The following GRHL1 variants were observed in gnomAD, a reference collection of about 807,000 sequenced individuals.
GRHL1 encodes grainyhead-like protein 1 homolog.
GRHL1 carries 38 observed loss-of-function variants against 75.7 expected under a neutral mutation model. The observed-to-expected ratio is 0.50, with a 90% CI of 0.39 to 0.66. GRHL1 has a LOEUF of 0.66. GRHL1 is among the 30% of genes least tolerant of loss of function. The pLI is 0.00. For synonymous variants in GRHL1, 266 were observed against 279.4 expected (o/e 0.95, Z 0.48); for missense variants, 589 against 767.5 (o/e 0.77, Z 2.75).
In GRHL1 at chr2:9,987,817, C is replaced by T. The variant is rs998780925; in HGVS notation, c.1269+1535C>T. Among the ~76,000 whole-genome samples the T allele has an allele frequency of 6.6e-6, 1 of 152,148 alleles. No individual in the cohort carries two copies. The highest frequency in any genetic ancestry group is 2.4e-5 in the African/African-American group (1 of 41,422). On this transcript the variant is annotated intron_variant, in intron 9 of 15. Coordinates refer to ENST00000324907, the MANE Select transcript of GRHL1 (RefSeq NM_198182.3). The surrounding 1 kb of genome is among the most constrained non-coding windows in gnomAD (Gnocchi z 4.2). The stretch of plus-strand genomic sequence containing the variant: ...AGCAACCGTGGATGAGTGGACATTC[C>T]ATTGAACTAAGACAGCAAGATCTTG...
intron 8 of GRHL1, among the ~76,000 whole-genome samples, chr2:9,970,440 T>C (rs1044222530): frequency 1.3e-5 from 2 of 151,360 alleles, no homozygotes; most frequent in African/African-American, 4.9e-5. Context: ...AAGAACTGTT[T>C]TTGGAACTTG....
chr2:9,992,070 C>G lies in GRHL1; in HGVS notation c.1385C>G (p.Pro462Arg). The G allele has an allele frequency of 6.2e-7, 1 of 1,613,420 alleles. No individual in the cohort carries two copies. Among genetic ancestry groups the G allele is most frequent in the East Asian group, 2.2e-5 (1 of 44,874 alleles). Reference protein sequence around the residue: ...HKRMDITVFKPFIDLDTQPVL... With the variant: ...HKRMDITVFKRFIDLDTQPVL... ...CGAATGGATATCACAGTTTTCAAAC[C>G]CTTCATTGATCTCGATACTCAGCCT... The change falls in exon 11 of 16, where the codon CCC becomes CGC. Residue 462 changes from proline (P) to arginine (R), a missense_variant. By Grantham distance (103) the Pro-to-Arg change is moderately radical. Coordinates refer to ENST00000324907, the MANE Select transcript of GRHL1 (RefSeq NM_198182.3). This position sits in a 1 kb window ranked among gnomAD's most constrained non-coding sequence, Gnocchi z 4.6.
At chr2:9,995,507 G>A (rs1031412760) in intron 12 of GRHL1, 3 of 165,358 alleles carry the variant, frequency 1.8e-5, no homozygotes, top group South Asian at 2.0e-4. Flanking sequence ...GGGCCTGGGC[G>A]GTTGAGGCTG....
rs1174275925 is a variant in GRHL1, at chr2:9,986,247, C to T, written c.1234C>T (p.Arg412Trp). The change falls in exon 9 of 16, where the codon CGG becomes TGG. Residue 412 changes from arginine to tryptophan, a missense_variant. By Grantham distance (101) the Arg-to-Trp change is moderately radical (BLOSUM62 -3). Around this residue, in one of 5 missense-constraint regions of GRHL1, gnomAD observed 30 missense variants for 40.3 expected, o/e 0.74. Transcript: ENST00000324907. ...CAACCGCAGCAACAAGCCTGTGCAC[C>T]GGGCCTACTGCCAGATCAAGGTCTT... ...YNNRSNKPVH[R>W]AYCQIKVFCD... 6.2e-6 allele frequency: 10 copies of T among 1,613,396 alleles called. No individual in the cohort carries two copies. The highest frequency in any genetic ancestry group is 1.3e-5 in the African/African-American group (1 of 74,824).
chr2:9,986,083 T>G (rs1170873246), intron 8 of GRHL1, 41 bp from the exon 9 acceptor site: 1 of 1,521,944 alleles, frequency 6.6e-7, no homozygotes, highest in Non-Finnish European at 8.9e-7. Flanking sequence ...TAGGTTTGAC[T>G]TGGTGCCTGT....
At chr2:9,970,464 GTCTT>G (rs150953621) in intron 8 of GRHL1, among the ~76,000 whole-genome samples, 31,540 of 152,166 alleles carry the variant, frequency 0.21, 3,442 homozygotes, top group African/African-American at 0.26. Context: ...GCTTTGGAAA[GTCTT>G]TATCAAACCT....
rs1211100506 is a variant in GRHL1, at chr2:9,998,628, A to G, written c.1678-337A>G. Among the ~76,000 whole-genome samples the G allele has an allele frequency of 4.8e-4, 20 of 42,036 alleles. 4 individuals are homozygous for G. Among genetic ancestry groups the G allele is most frequent in the African/African-American group, 6.6e-4 (4 of 6,032 alleles). 27.6% of individuals were successfully genotyped at this position (42,036 alleles called of 152,430 possible). ...TATATATACATATATATGTACACAT[A>G]TACATATATATGTACACATATACAT... is the stretch of plus-strand genomic sequence containing the variant. On this transcript the variant is annotated intron_variant, in intron 14 of 15. Coordinates refer to ENST00000324907, the MANE Select transcript of GRHL1 (RefSeq NM_198182.3).
intron 8 of GRHL1, among the ~76,000 whole-genome samples, chr2:9,980,316 T>G (rs1668145015): frequency 6.6e-6 from 1 of 152,114 alleles, no homozygotes; most frequent in Non-Finnish European, 1.5e-5. Flanking sequence ...TTGGTTTCTG[T>G]GCTTGTGAGC....
At chr2:9,970,214 C>G (rs1667666680) in intron 8 of GRHL1, among the ~76,000 whole-genome samples, 1 of 152,224 alleles carries the variant, frequency 6.6e-6, no homozygotes, top group South Asian at 2.1e-4. Context: ...GTGGTAACAT[C>G]TAAATCCTTA....
chr2:9,958,203 G>A (rs1392527651), intron 2 of GRHL1, among the ~76,000 whole-genome samples: 1 of 146,632 alleles, frequency 6.8e-6, no homozygotes, highest in Admixed American at 6.8e-5. Context: ...AGTCAGGAAG[G>A]GTCTTGCTCT....
At chr2:9,966,399 C>T (rs1413578630) in intron 8 of GRHL1, 3 of 135,678 alleles carry the variant, frequency 2.2e-5, no homozygotes, top group Non-Finnish European at 3.1e-5. Context: ...CCCTGTCCCC[C>T]CCAAAAAAAA....
chr2:9,969,527 C>A (rs1667627321), intron 8 of GRHL1, among the ~76,000 whole-genome samples: 1 of 152,212 alleles, frequency 6.6e-6, no homozygotes. Context: ...AATAAGAACA[C>A]CTTTGCTAGT....
chr2:9,953,002 T>G (rs1294127688), intron 1 of GRHL1: 1 of 456,764 alleles, frequency 2.2e-6, no homozygotes, highest in South Asian at 1.5e-5. Context: ...TGATGAGCCT[T>G]CGGCGACTGA....
chr2:9,977,655 C>T (rs1668003782), intron 8 of GRHL1, among the ~76,000 whole-genome samples: 1 of 152,168 alleles, frequency 6.6e-6, no homozygotes, highest in South Asian at 2.1e-4. Flanking sequence ...AACATCCCTG[C>T]CTTCAAGGGA....
intron 8 of GRHL1, among the ~76,000 whole-genome samples, chr2:9,977,341 G>A (rs970334149): frequency 6.6e-6 from 1 of 151,326 alleles, no homozygotes; most frequent in Non-Finnish European, 1.5e-5. Context: ...TTTTTTTTCA[G>A]ACGAAGTCTT....
In GRHL1 at chr2:9,998,511, C is replaced by CGT. The variant is rs1491134579; in HGVS notation, c.1678-453_1678-452dup. Among the ~76,000 whole-genome samples the CGT allele has an allele frequency of 1.7e-3, 25 of 15,002 alleles. 3 individuals are homozygous for CGT. The highest frequency in any genetic ancestry group is 6.6e-3 in the East Asian group (2 of 304). 9.8% of individuals were successfully genotyped at this position (15,002 alleles called of 152,430 possible). ...ATATACGTATATATACATATATATACGTATATATATACATATATATACGTA... is the reference window on the plus strand; with the variant it reads ...ATATACGTATATATACATATATATACGTGTATATATATACATATATATACGTA... On this transcript the variant is annotated intron_variant, in intron 14 of 15. Transcript: ENST00000324907.
Position 10,000,713 on chromosome 2 carries a change from T to G in GRHL1, c.*6T>G. On this transcript the variant is annotated 3_prime_UTR_variant, in exon 16 of 16. Coordinates refer to ENST00000324907, the MANE Select transcript of GRHL1 (RefSeq NM_198182.3). ...TCACCCTGACGGAGATCTAAAGGCC[T>G]GCGGGCCACAGCTCCCCAGGAGTTC... 6.7e-7 allele frequency: 1 copy of G among 1,491,840 alleles called. No homozygotes were observed. Among genetic ancestry groups the G allele is most frequent in the African/African-American group, 1.4e-5 (1 of 72,656 alleles). The allele number at this position is 1,491,840 out of a possible 1,614,324, so 92.4% of individuals were successfully genotyped here.
rs371441583 is a variant in GRHL1, at chr2:9,998,599, C to CAT, written c.1678-356_1678-355dup. On this transcript the variant is annotated intron_variant, in intron 14 of 15. Coordinates refer to ENST00000324907, the MANE Select transcript of GRHL1 (RefSeq NM_198182.3). ...ATACATATGTACATATATATGTACACATATATATATACATATATATGTACA... is the reference window on the plus strand; with the variant it reads ...ATACATATGTACATATATATGTACACATATATATATATACATATATATGTACA... 1.5e-3 allele frequency among the ~76,000 whole-genome samples: 66 copies of CAT among 44,646 alleles called. 16 individuals are homozygous for CAT. The highest frequency in any genetic ancestry group is 2.1e-3 in the Non-Finnish European group (56 of 26,548). The allele number at this position is 44,646 out of a possible 152,430, so 29.3% of individuals were successfully genotyped here.
chr2:9,960,905 T>C (rs1259036762), intron 3 of GRHL1, 141 bp from the exon 4 acceptor site: 2 of 613,420 alleles, frequency 3.3e-6, no homozygotes, highest in East Asian at 5.5e-5. Context: ...CTTTATCTAG[T>C]AATGGGTAGT....
Sources: gnomAD v4.1 joint callset for allele counts (sites outside exome capture counted in the v4.1 genomes callset) on GRCh38, gnomAD v4.1.1 for gene constraint, gnomAD v4.1.1 regional missense constraint, Gnocchi (gnomAD v3.1) non-coding constraint, MANE v1.5 for transcripts, NCBI Gene and HGNC (gene_info 2026-07-23, HGNC 2026-07-21) for gene names.